ITFG2: variants seen among roughly 807,000 people sequenced by gnomAD.
The protein encoded by ITFG2 is KICSTOR complex protein ITFG2.
Under a neutral mutation model 54.4 loss-of-function variants are expected in ITFG2, and 36 were observed. The observed-to-expected ratio is 0.66, with a 90% CI of 0.51 to 0.87. The LOEUF (loss-of-function observed/expected upper bound fraction) is 0.87, where lower values mean the gene tolerates loss of function less well. ITFG2 is among the 40% of genes least tolerant of loss of function. The probability of loss-of-function intolerance (pLI) is 0.00; values close to 1 mark genes in which losing one functional copy is unlikely to be tolerated. For missense variants in ITFG2, 524 were observed against 576.7 expected (o/e 0.91, Z 0.94); for synonymous variants, 211 against 225.4 (o/e 0.94, Z 0.57).
chr12:2,855,964 T>C (rs2098085989), intron 2 of ITFG2, among the ~76,000 whole-genome samples: 1 of 152,160 alleles, frequency 6.6e-6, no homozygotes, highest in African/African-American at 2.4e-5. Flanking sequence ...TGTCCGTCAC[T>C]GACGCTTTCC....
intron 3 of ITFG2, chr12:2,859,314 C>T: frequency 6.2e-7 from 1 of 1,613,522 alleles, no homozygotes; most frequent in East Asian, 2.2e-5. Context: ...GCTCCTCTCC[C>T]TCCTCTCCCT....
chr12:2,826,930 G>A, downstream of ITFG2: 1 of 1,232,674 alleles, frequency 8.1e-7, no homozygotes, highest in Non-Finnish European at 1.0e-6. Context: ...TCCTATCTGT[G>A]GTCTTGATTT....
Position 2,824,252 on chromosome 12 carries a change from G to C in ITFG2, c.*59G>C. ...CTGAACCCCCACCCTACCCCCTAAA[G>C]GTATCTGTGGTATTGGCAGGATAGG... On this transcript the variant is annotated 3_prime_UTR_variant, in exon 12 of 12. Coordinates refer to ENST00000228799, the MANE Select transcript of ITFG2 (RefSeq NM_018463.4). 1 of 1,495,618 alleles carries C rather than the reference G, an allele frequency of 6.7e-7. No homozygotes were observed. Among genetic ancestry groups the C allele is most frequent in the Middle Eastern group, 1.7e-4 (1 of 5,854 alleles). The allele number at this position is 1,495,618 out of a possible 1,614,324, so 92.6% of individuals were successfully genotyped here.
downstream of ITFG2, chr12:2,830,927 C>A (rs1434542622): frequency 4.5e-6 from 7 of 1,553,398 alleles, no homozygotes; most frequent in Non-Finnish European, 6.1e-6. Context: ...GCTCAGTTAC[C>A]CCACTTAGAT....
chr12:2,821,950 CAG>C (rs2097946646), intron 9 of ITFG2, among the ~76,000 whole-genome samples, 158 bp downstream of exon 9: 1 of 137,748 alleles, frequency 7.3e-6, no homozygotes, highest in South Asian at 2.3e-4. Flanking sequence ...TTTTTTGAGA[CAG>C]GGTCTCCCCC....
chr12:2,812,920 A>G, intron 1 of ITFG2, 64 bp downstream of exon 1: 2 of 1,397,554 alleles, frequency 1.4e-6, no homozygotes, highest in Non-Finnish European at 2.0e-6. Context: ...AGGGAAGTGG[A>G]AGAGGCCGCC....
At chr12:2,847,989 A>G (rs138174586) in intron 2 of ITFG2, among the ~76,000 whole-genome samples, 3 of 152,348 alleles carry the variant, frequency 2.0e-5, no homozygotes, top group African/African-American at 4.8e-5. Context: ...AGTGTGCTAC[A>G]CACTTTGCAG....
chr12:2,854,042 A>G lies in ITFG2; in HGVS notation n.301-3970A>G, dbSNP rs141295125. Among the ~76,000 whole-genome samples the G allele has an allele frequency of 4.2e-3, 639 of 152,286 alleles. 5 individuals carry two copies. Among genetic ancestry groups the G allele is most frequent in the African/African-American group, 0.015 (614 of 41,562 alleles). On this transcript the variant is annotated intron_variant and non_coding_transcript_variant, in intron 2 of 3. Transcript: ENST00000537710. Reference sequence around the variant, plus strand: ...TTTTATTTAATTAATTTATTTATTTAGAGATGGAGTTTCTCTCTTGTTGCC... The same window carrying G: ...TTTTATTTAATTAATTTATTTATTTGGAGATGGAGTTTCTCTCTTGTTGCC...
In ITFG2 at chr12:2,845,879, T is replaced by C. The variant is rs2098052094; in HGVS notation, n.300+4884T>C. Among the ~76,000 whole-genome samples the C allele has an allele frequency of 6.6e-6, 1 of 151,790 alleles. No homozygotes were observed. Among genetic ancestry groups the C allele is most frequent in the African/African-American group, 2.4e-5 (1 of 41,254 alleles). ...GCTGGGGTGATTTTCTTTTTCTTTTTTTTGTTGAGTTAGGGTCTCACTGTA... is the reference window on the plus strand; with the variant it reads ...GCTGGGGTGATTTTCTTTTTCTTTTCTTTGTTGAGTTAGGGTCTCACTGTA... On this transcript the variant is annotated intron_variant and non_coding_transcript_variant, in intron 2 of 3. Transcript: ENST00000537710. The surrounding 1 kb of genome is among the most constrained non-coding windows in gnomAD (Gnocchi z 4.2).
chr12:2,826,841 TG>T, downstream of ITFG2: 1 of 315,756 alleles, frequency 3.2e-6, no homozygotes, highest in Non-Finnish European at 5.3e-6. Context: ...GTGTTTGGGG[TG>T]GTATTGGGTG....
chr12:2,855,319 A>G, intron 2 of ITFG2: 1 of 1,528,308 alleles, frequency 6.5e-7, no homozygotes, highest in South Asian at 1.2e-5. Context: ...GCAGGGCGGC[A>G]GCTTCAGAGC....
chr12:2,839,097 G>A (rs899132091), intron 1 of ITFG2, among the ~76,000 whole-genome samples: 2 of 151,938 alleles, frequency 1.3e-5, no homozygotes, highest in African/African-American at 4.8e-5. Flanking sequence ...TTCGAGACCA[G>A]CCTAACCAAT....
intron 5 of ITFG2, 100 bp downstream of exon 5, chr12:2,820,325 G>A: frequency 7.2e-7 from 1 of 1,394,196 alleles, no homozygotes; most frequent in South Asian, 1.5e-5. Flanking sequence ...GCCAGGGTGG[G>A]GAGAAGTGAA....
intron 1 of ITFG2, among the ~76,000 whole-genome samples, chr12:2,814,328 C>G (rs1036010426): frequency 6.6e-6 from 1 of 152,172 alleles, no homozygotes; most frequent in Non-Finnish European, 1.5e-5. Flanking sequence ...TGTTTAAAAG[C>G]ATTCCCTTTT....
At chr12:2,850,564 A>C (rs2098066867) in intron 2 of ITFG2, among the ~76,000 whole-genome samples, 1 of 151,850 alleles carries the variant, frequency 6.6e-6, no homozygotes, top group African/African-American at 2.4e-5. Flanking sequence ...CAACAAGATC[A>C]TGCTTACATC....
At chr12:2,827,332 C>T, downstream of ITFG2, 1 of 1,594,966 alleles carries the variant, frequency 6.3e-7, no homozygotes, top group Non-Finnish European at 8.5e-7. This position sits in a 1 kb window ranked among gnomAD's most constrained non-coding sequence, Gnocchi z 4.0. Context: ...GCCAGGTCAC[C>T]TCAGCCCGCC....
intron 1 of ITFG2, among the ~76,000 whole-genome samples, chr12:2,813,875 C>G (rs1221709856): frequency 6.6e-6 from 1 of 152,116 alleles, no homozygotes; most frequent in South Asian, 2.1e-4. Context: ...GTTTTCTGGG[C>G]TTTCGTGTTT....
intron 1 of ITFG2, among the ~76,000 whole-genome samples, chr12:2,840,557 C>T (rs2098038665): frequency 6.6e-6 from 1 of 151,956 alleles, no homozygotes; most frequent in South Asian, 2.1e-4. Flanking sequence ...GAGGCCGAGG[C>T]AGGCAGATCA....
chr12:2,848,412 T>G (rs570779841), intron 2 of ITFG2, among the ~76,000 whole-genome samples: 3 of 152,290 alleles, frequency 2.0e-5, no homozygotes, highest in Non-Finnish European at 2.9e-5. Context: ...TTACCCCTGG[T>G]CTTTGACTCC....
Sources: allele counts gnomAD v4.1 joint callset (sites outside exome capture counted in the v4.1 genomes callset), GRCh38; gene constraint gnomAD v4.1.1; non-coding constraint Gnocchi (gnomAD v3.1); transcripts MANE v1.5; gene names NCBI Gene and HGNC (gene_info 2026-07-23, HGNC 2026-07-21).